ZNF185: variants seen among roughly 807,000 people sequenced by gnomAD.
ZNF185 encodes zinc finger protein 185.
Under a neutral mutation model 58.6 loss-of-function variants are expected in ZNF185, and 56 were observed. The observed-to-expected ratio is 0.95, with a 90% CI of 0.77 to 1.19. The LOEUF (loss-of-function observed/expected upper bound fraction) is 1.19, where lower values mean the gene tolerates loss of function less well. Ranked by LOEUF, ZNF185 falls within the 50% of genes most tolerant of loss-of-function variation. The probability of loss-of-function intolerance (pLI) is 0.00; values close to 1 mark genes in which losing one functional copy is unlikely to be tolerated. For missense variants in ZNF185, 627 were observed against 573.5 expected (o/e 1.09, Z -0.95); for synonymous variants, 230 against 215.9 (o/e 1.07, Z -0.57).
chrX:152,932,234 T>C (rs1354812234), intron 13 of ZNF185, among the ~76,000 whole-genome samples: 1 of 112,504 alleles, frequency 8.9e-6, no homozygotes, highest in Admixed American at 9.3e-5. Context: ...ATAGAGCATG[T>C]AGCGGAGACT....
chrX:152,939,843 C>T lies in ZNF185; in HGVS notation c.1211+1680C>T, dbSNP rs1023309218. On this transcript the variant is annotated intron_variant, in intron 15 of 22. Transcript: ENST00000449285. The stretch of plus-strand genomic sequence containing the variant: ...TGTCGCCCCAGCTGGGGTGCAGTGG[C>T]GCAATCTCGACTCACTGCAACCTCT... Among the ~76,000 whole-genome samples, 24 of 87,621 alleles carry T rather than the reference C, an allele frequency of 2.7e-4. 1 individual carries two copies. The highest frequency in any genetic ancestry group is 1.0e-3 in the African/African-American group (23 of 22,371). The allele number at this position is 87,621 out of a possible 115,157, so 76.1% of individuals were successfully genotyped here.
At chrX:152,917,239 C>T in intron 4 of ZNF185, 46 bp from the exon 6 acceptor site, 1 of 1,210,851 alleles carries the variant, frequency 8.3e-7, no homozygotes, top group Non-Finnish European at 1.1e-6. Context: ...CTTACCCCTC[C>T]AGTCCCTCCA....
At chrX:152,917,466 T>C in intron 5 of ZNF185, 104 bp downstream of exon 6, 6 of 977,678 alleles carry the variant, frequency 6.1e-6, no homozygotes, top group Non-Finnish European at 8.6e-6. Flanking sequence ...TGTGGGGCCT[T>C]GGAGGTGCCA....
At position 152,927,519 on chromosome X, in the gene ZNF185, C is replaced by T. The variant is rs189293700; in HGVS notation, c.831-1056C>T. On this transcript the variant is annotated intron_variant, in intron 11 of 22. Coordinates refer to ENST00000449285, the Ensembl canonical transcript of ZNF185. ...TAAAGTGCCAGTCTGAACCTATAAA[C>T]CCCCCACCTCCACTTCAAGCCCATC... Among the ~76,000 whole-genome samples, 1,027 of 111,577 alleles carry T rather than the reference C, an allele frequency of 9.2e-3. 18 individuals are homozygous for T. Among genetic ancestry groups the T allele is most frequent in the African/African-American group, 0.032 (969 of 30,660 alleles).
upstream of ZNF185, among the ~76,000 whole-genome samples, chrX:152,912,136 C>G (rs185328333): frequency 5.4e-3 from 604 of 110,978 alleles, 4 homozygotes; most frequent in African/African-American, 0.018. Flanking sequence ...TTTTCTGACT[C>G]TTTCATATTT....
At chrX:152,959,202 G>A (rs1247405690) in intron 16 of ZNF185, among the ~76,000 whole-genome samples, 2 of 111,858 alleles carry the variant, frequency 1.8e-5, no homozygotes, top group Non-Finnish European at 3.8e-5. Context: ...CAACACGTGC[G>A]CACTCCCCTA....
exon 22 of ZNF185, chrX:152,970,470 G>A (rs782404951): frequency 8.4e-5 from 102 of 1,207,315 alleles, no homozygotes; most frequent in Middle Eastern, 4.6e-4. Flanking sequence ...ACCGATGGGC[G>A]ATCTCCTGGA....
intron 12 of ZNF185, 119 bp from the exon 14 acceptor site, chrX:152,931,553 C>T (rs1413316706): frequency 1.2e-5 from 7 of 568,879 alleles, no homozygotes; most frequent in African/African-American, 2.3e-5. Flanking sequence ...CCACTGCACC[C>T]GGCCCAGTAG....
chrX:152,898,379 T>A, the ZNF185 span, among the ~76,000 whole-genome samples: 9 of 112,520 alleles, frequency 8.0e-5, no homozygotes, highest in Admixed American at 9.2e-5. Flanking sequence ...TCTCTTCGGG[T>A]TCCCCCCGGG....
intron 11 of ZNF185, among the ~76,000 whole-genome samples, chrX:152,928,358 A>C (rs1165986697): frequency 9.0e-6 from 1 of 111,304 alleles, no homozygotes; most frequent in African/African-American, 3.3e-5. Context: ...TGCCTGAGGG[A>C]GGGCTGGGCT....
At chrX:152,954,111 A>C (rs942344255) in intron 16 of ZNF185, among the ~76,000 whole-genome samples, 1 of 110,751 alleles carries the variant, frequency 9.0e-6, no homozygotes, top group African/African-American at 3.3e-5. Context: ...ACATCACAAA[A>C]TAATACAAAA....
chrX:152,958,744 A>AAG (rs1163130818), intron 16 of ZNF185, among the ~76,000 whole-genome samples: 18 of 109,537 alleles, frequency 1.6e-4, no homozygotes, highest in African/African-American at 6.0e-4. Flanking sequence ...AAAAAAAAAA[A>AAG]GGGGGGCAGG....
At chrX:152,934,407 C>T (rs1603249625) in intron 14 of ZNF185, among the ~76,000 whole-genome samples, 2 of 112,546 alleles carry the variant, frequency 1.8e-5, no homozygotes, top group Non-Finnish European at 1.9e-5. Context: ...CTGTGCTGTC[C>T]ACTGTTTCCT....
At chrX:152,973,334 A>G (rs1052633898) in exon 23 of ZNF185, 13 of 112,628 alleles carry the variant, frequency 1.2e-4, no homozygotes, top group African/African-American at 3.9e-4. Flanking sequence ...AGCCTCTCTC[A>G]TGTCTAAAAA....
At chrX:152,940,163 T>A (rs2047009763) in intron 15 of ZNF185, among the ~76,000 whole-genome samples, 1 of 110,595 alleles carries the variant, frequency 9.0e-6, no homozygotes, top group Non-Finnish European at 1.9e-5. Flanking sequence ...AATACACTGT[T>A]GATGAAAAAG....
rs781884289 is a variant in ZNF185, at chrX:152,963,968, C to A, written c.1718+19C>A. On this transcript the variant is annotated intron_variant, in intron 18 of 22. Coordinates refer to ENST00000449285, the Ensembl canonical transcript of ZNF185. ...CTACCACGTAAGAAGGGCTATCTAGCAACCTGGGAGATGTTCCTCCGCCAC... is the reference window on the plus strand; with the variant it reads ...CTACCACGTAAGAAGGGCTATCTAGAAACCTGGGAGATGTTCCTCCGCCAC... The A allele has an allele frequency of 1.5e-5, 18 of 1,187,558 alleles. No individual in the cohort carries two copies. The South Asian group carries it at 3.2e-4, about 21-fold the overall frequency.
intron 17 of ZNF185, among the ~76,000 whole-genome samples, chrX:152,962,331 C>G: frequency 9.0e-6 from 1 of 110,596 alleles, no homozygotes; most frequent in Non-Finnish European, 1.9e-5. Flanking sequence ...CTGTGTTACC[C>G]AGGTTGTTTT....
At chrX:152,949,804 A>C (rs782083100) in intron 16 of ZNF185, among the ~76,000 whole-genome samples, 177 of 112,079 alleles carry the variant, frequency 1.6e-3, no homozygotes, top group African/African-American at 5.5e-3. Flanking sequence ...CATTATTTTT[A>C]AATGTCTGAA....
intron 16 of ZNF185, among the ~76,000 whole-genome samples, chrX:152,955,406 T>A (rs2048721119): frequency 8.9e-6 from 1 of 112,224 alleles, no homozygotes; most frequent in Admixed American, 9.4e-5. Context: ...AAGGACTGAG[T>A]AGAAGGTACC....
Sources: gnomAD v4.1 joint callset for allele counts (sites outside exome capture counted in the v4.1 genomes callset) on GRCh38, gnomAD v4.1.1 for gene constraint, MANE v1.5 for transcripts, NCBI Gene and HGNC (gene_info 2026-07-23, HGNC 2026-07-21) for gene names.